EIF4G3: variants seen among roughly 807,000 people sequenced by gnomAD.
EIF4G3 encodes the protein eIF-4-gamma 3.
In EIF4G3, 34 loss-of-function variants were observed where a neutral mutation model predicts 186.4. That is an observed-to-expected ratio of 0.18 (90% CI 0.14 to 0.24). The LOEUF is 0.24. Among genes scored for constraint, EIF4G3 ranks in the 10% least tolerant of loss-of-function variants. The pLI, the probability that EIF4G3 is intolerant of heterozygous loss-of-function variation, is 1.00. For synonymous variants in EIF4G3, 673 were observed against 679.5 expected (o/e 0.99, Z 0.15); for missense variants, 1,536 against 1,948.5 (o/e 0.79, Z 3.99).
At chr1:21,012,684 CA>C (rs1470954284) in intron 4 of EIF4G3, among the ~76,000 whole-genome samples, 1 of 152,116 alleles carries the variant, frequency 6.6e-6, no homozygotes, top group Non-Finnish European at 1.5e-5. Context: ...TCCAGACCAA[CA>C]AAAAGTAGGG....
chr1:21,045,918 T>TA lies in EIF4G3; in HGVS notation c.-67+4947dup, dbSNP rs1185332103. On this transcript the variant is annotated intron_variant, in intron 4 of 36. Coordinates refer to ENST00000602326, the MANE Select transcript of EIF4G3 (RefSeq NM_001391906.1). ...TAGTGTCCAAAACCCACGGAAGTCT[T>TA]AAAGAAAATTCTGATCTCATCTAAC... 8.5e-5 allele frequency among the ~76,000 whole-genome samples: 13 copies of TA among 152,264 alleles called. 1 individual carries two copies. The East Asian group carries it at 2.3e-3, about 27-fold the overall frequency.
At chr1:20,824,988 A>T in intron 33 of EIF4G3, 112 bp downstream of exon 33, 1 of 603,666 alleles carries the variant, frequency 1.7e-6, no homozygotes, top group Non-Finnish European at 2.7e-6. Flanking sequence ...CTTTACCAAG[A>T]TTCCTATTTT....
At chr1:21,126,729 T>TA (rs1200728436) in intron 2 of EIF4G3, among the ~76,000 whole-genome samples, 1 of 152,034 alleles carries the variant, frequency 6.6e-6, no homozygotes, top group African/African-American at 2.4e-5. Flanking sequence ...AACACATTAA[T>TA]AGAGATGGAT....
chr1:21,083,874 T>C (rs1272142349), intron 3 of EIF4G3, among the ~76,000 whole-genome samples: 1 of 152,116 alleles, frequency 6.6e-6, no homozygotes, highest in African/African-American at 2.4e-5. Context: ...AAAATACTCG[T>C]TCCTCATTCA....
intron 3 of EIF4G3, among the ~76,000 whole-genome samples, chr1:21,077,072 A>T (rs917240883): frequency 4.6e-5 from 7 of 152,216 alleles, no homozygotes; most frequent in Non-Finnish European, 8.8e-5. Flanking sequence ...AAACTATATA[A>T]GAAACACAAC....
At chr1:20,923,835 T>TATATATA (rs2094671179) in intron 14 of EIF4G3, among the ~76,000 whole-genome samples, 3 of 141,526 alleles carry the variant, frequency 2.1e-5, no homozygotes, top group Non-Finnish European at 3.1e-5. Context: ...ATATATATAT[T>TATATATA]TATCTGTCTC....
intron 2 of EIF4G3, among the ~76,000 whole-genome samples, chr1:21,147,964 C>T (rs1384271453): frequency 6.6e-6 from 1 of 152,162 alleles, no homozygotes; most frequent in Non-Finnish European, 1.5e-5. Context: ...TAATATACAT[C>T]AATTTTCCTA....
chr1:21,025,835 C>A (rs183107380), intron 4 of EIF4G3, among the ~76,000 whole-genome samples: 1 of 152,222 alleles, frequency 6.6e-6, no homozygotes, highest in East Asian at 1.9e-4. Context: ...AGAGTCAACC[C>A]AGAATGAACT....
chr1:20,858,170 T>C (rs2075484139), intron 24 of EIF4G3, among the ~76,000 whole-genome samples: 1 of 152,192 alleles, frequency 6.6e-6, no homozygotes, highest in Non-Finnish European at 1.5e-5. Flanking sequence ...AAGTACAAAA[T>C]TCGTCACTTT....
chr1:21,132,869 G>A (rs1430945962), intron 2 of EIF4G3, among the ~76,000 whole-genome samples: 3 of 151,842 alleles, frequency 2.0e-5, no homozygotes, highest in Non-Finnish European at 2.9e-5. Context: ...TGCAACTTCC[G>A]CCTCCCAGGT....
At chr1:20,861,842 C>T (rs2076416923) in intron 23 of EIF4G3, among the ~76,000 whole-genome samples, 1 of 152,014 alleles carries the variant, frequency 6.6e-6, no homozygotes, top group South Asian at 2.1e-4. Context: ...GGTGTGGGGG[C>T]ATGTGCCTGT....
intron 7 of EIF4G3, among the ~76,000 whole-genome samples, chr1:20,993,177 G>A (rs1052806055): frequency 1.3e-5 from 2 of 152,170 alleles, no homozygotes; most frequent in Admixed American, 1.3e-4. Context: ...GGAAGAAGAT[G>A]TGGCTGAAAT....
At chr1:20,823,557 G>A (rs1311319867) in intron 33 of EIF4G3, among the ~76,000 whole-genome samples, 2 of 151,618 alleles carry the variant, frequency 1.3e-5, no homozygotes, top group Middle Eastern at 3.4e-3. Flanking sequence ...TTTTTTTTTA[G>A]TAGAGACAGG....
intron 32 of EIF4G3, among the ~76,000 whole-genome samples, chr1:20,826,505 T>G (rs1189166480): frequency 7.0e-6 from 1 of 143,452 alleles, no homozygotes; most frequent in Middle Eastern, 3.2e-3. Context: ...TTTTTTTTTT[T>G]TTTGAGACAG....
intron 2 of EIF4G3, among the ~76,000 whole-genome samples, chr1:21,173,133 A>G (rs1250718351): frequency 5.2e-5 from 5 of 96,124 alleles, no homozygotes; most frequent in African/African-American, 1.9e-4. Context: ...GCGAGACTCA[A>G]TCTCAAAAAA....
intron 17 of EIF4G3, among the ~76,000 whole-genome samples, chr1:20,894,224 G>A (rs1284181594): frequency 6.6e-6 from 1 of 152,164 alleles, no homozygotes; most frequent in Non-Finnish European, 1.5e-5. Context: ...ATAAAGTTAA[G>A]CAGATCAGTG....
intron 4 of EIF4G3, among the ~76,000 whole-genome samples, chr1:21,011,862 G>A (rs1039785177): frequency 6.6e-6 from 1 of 152,160 alleles, no homozygotes; most frequent in African/African-American, 2.4e-5. Flanking sequence ...TAGTACTAAG[G>A]AAAAGCACTT....
chr1:21,136,551 T>C (rs1230669816), intron 2 of EIF4G3, among the ~76,000 whole-genome samples: 1 of 151,528 alleles, frequency 6.6e-6, no homozygotes, highest in South Asian at 2.1e-4. Context: ...CAAAAAACCA[T>C]ACTCCCTTGC....
At chr1:21,110,424 A>C (rs2096703366) in intron 2 of EIF4G3, among the ~76,000 whole-genome samples, 1 of 152,036 alleles carries the variant, frequency 6.6e-6, no homozygotes, top group Admixed American at 6.6e-5. Context: ...GCCTCTGAGT[A>C]GCTGGGATTA....
Sources: allele counts gnomAD v4.1 joint callset (sites outside exome capture counted in the v4.1 genomes callset), GRCh38; gene constraint gnomAD v4.1.1; transcripts MANE v1.5; gene names NCBI Gene and HGNC (gene_info 2026-07-23, HGNC 2026-07-21).